Variants in PNLIPRP3 observed in about 807,000 individuals in gnomAD.
The protein encoded by PNLIPRP3 is pancreatic lipase-related protein 3.
A neutral mutation model predicts 52.8 loss-of-function variants in PNLIPRP3; 58 were observed. The ratio of observed to expected loss-of-function variants is 1.10; its 90% CI spans 0.89 to 1.37. The LOEUF (loss-of-function observed/expected upper bound fraction) is 1.37, where lower values mean the gene tolerates loss of function less well. Among genes scored for constraint, PNLIPRP3 ranks in the 40% most tolerant of loss-of-function variants. The pLI is 0.00. For synonymous variants in PNLIPRP3, 192 were observed against 185.0 expected (o/e 1.04, Z -0.31); for missense variants, 593 against 561.6 (o/e 1.06, Z -0.57).
intron 4 of PNLIPRP3, 50 bp from the exon 5 acceptor site, chr10:116,455,672 T>C (rs1473802596): frequency 9.2e-6 from 12 of 1,311,202 alleles, no homozygotes; most frequent in Non-Finnish European, 1.3e-5. Context: ...ATATTTAAGC[T>C]ATTCCACCGC....
intron 7 of PNLIPRP3, among the ~76,000 whole-genome samples, chr10:116,463,327 G>T (rs1250448998): frequency 6.6e-6 from 1 of 152,148 alleles, no homozygotes; most frequent in African/African-American, 2.4e-5. Context: ...CCAGTTGGGG[G>T]CTGAGCTGGG....
rs750939853 is a variant in PNLIPRP3 at position 116,461,329 on chromosome 10, T to A, written c.808+39T>A. The stretch of plus-strand genomic sequence containing the variant: ...AAACTATGAATGCTACTGATGCATA[T>A]TCACTTAGCTCTCTCCTTAGATGGG... On this transcript the variant is annotated intron_variant, in intron 7 of 11. Coordinates refer to ENST00000369230, the MANE Select transcript of PNLIPRP3 (RefSeq NM_001011709.3). 2.5e-6 allele frequency: 4 copies of A among 1,592,996 alleles called. No individual in the cohort carries two copies. The Admixed American group carries it at 6.7e-5, about 27-fold the overall frequency.
intron 4 of PNLIPRP3, among the ~76,000 whole-genome samples, chr10:116,451,084 A>G (rs898535998): frequency 3.9e-5 from 6 of 152,220 alleles, no homozygotes; most frequent in Non-Finnish European, 7.3e-5. Context: ...TGGCACTGGC[A>G]TAAAGACAGA....
chr10:116,458,493 A>G (rs745767213), intron 5 of PNLIPRP3, among the ~76,000 whole-genome samples: 7 of 150,086 alleles, frequency 4.7e-5, no homozygotes, highest in Non-Finnish European at 7.4e-5. Context: ...CCTCCAATCA[A>G]TAAGATCTGA....
intron 10 of PNLIPRP3, among the ~76,000 whole-genome samples, chr10:116,476,336 G>T (rs1015092331): frequency 2.0e-5 from 3 of 152,030 alleles, no homozygotes; most frequent in Non-Finnish European, 2.9e-5. Context: ...TGATTTCCTG[G>T]TGTCAGTATA....
At chr10:116,436,140 A>G (rs1359080472) in intron 1 of PNLIPRP3, among the ~76,000 whole-genome samples, 3 of 152,212 alleles carry the variant, frequency 2.0e-5, no homozygotes, top group Non-Finnish European at 4.4e-5. Context: ...TTGGATATCC[A>G]CATTCAAAAG....
chr10:116,466,026 G>A (rs1463608728), intron 7 of PNLIPRP3, 24 bp from the exon 8 acceptor site: 2 of 1,505,122 alleles, frequency 1.3e-6, no homozygotes, highest in Middle Eastern at 1.7e-4. Context: ...ATTGCTATCA[G>A]TTAATTGGGA....
At chr10:116,449,884 A>G (rs1398900162) in intron 4 of PNLIPRP3, among the ~76,000 whole-genome samples, 4 of 152,242 alleles carry the variant, frequency 2.6e-5, no homozygotes, top group African/African-American at 9.6e-5. Flanking sequence ...GAAGATTGCA[A>G]TCATACCAAG....
intron 5 of PNLIPRP3, among the ~76,000 whole-genome samples, chr10:116,457,339 T>C (rs1309024402): frequency 2.6e-5 from 4 of 151,630 alleles, no homozygotes; most frequent in African/African-American, 4.8e-5. Flanking sequence ...CTGTGCTCTG[T>C]GTGCATGTGT....
chr10:116,430,870 A>T (rs1317962704), intron 1 of PNLIPRP3, among the ~76,000 whole-genome samples: 1 of 152,084 alleles, frequency 6.6e-6, no homozygotes, highest in Non-Finnish European at 1.5e-5. Flanking sequence ...TCCAAATGTA[A>T]TCTCTCCAGC....
chr10:116,439,007 A>C (rs760656292), intron 2 of PNLIPRP3, among the ~76,000 whole-genome samples: 8 of 152,208 alleles, frequency 5.3e-5, no homozygotes, highest in Non-Finnish European at 1.0e-4. Context: ...CTATGGTTTC[A>C]TTTATAGGAG....
intron 2 of PNLIPRP3, among the ~76,000 whole-genome samples, chr10:116,441,456 G>A (rs1845856859): frequency 2.0e-5 from 3 of 152,148 alleles, no homozygotes; most frequent in Admixed American, 2.0e-4. Flanking sequence ...GACTATAGTA[G>A]GTGTTTGAGG....
intron 4 of PNLIPRP3, among the ~76,000 whole-genome samples, chr10:116,447,584 T>C (rs1169073910): frequency 6.6e-6 from 1 of 152,102 alleles, no homozygotes; most frequent in Non-Finnish European, 1.5e-5. Flanking sequence ...AGTGACAATT[T>C]CAACAAGAAG....
At chr10:116,456,706 G>T (rs933190461) in intron 5 of PNLIPRP3, among the ~76,000 whole-genome samples, 2 of 152,146 alleles carry the variant, frequency 1.3e-5, no homozygotes, top group African/African-American at 4.8e-5. Flanking sequence ...CAAACCAATT[G>T]TGTGAGATGG....
intron 10 of PNLIPRP3, among the ~76,000 whole-genome samples, chr10:116,475,035 T>G (rs1328679069): frequency 6.6e-6 from 1 of 152,202 alleles, no homozygotes; most frequent in Non-Finnish European, 1.5e-5. Context: ...AATCAACCCA[T>G]GTGCCCATCA....
chr10:116,447,483 A>G (rs1845970040), intron 4 of PNLIPRP3, among the ~76,000 whole-genome samples: 1 of 152,238 alleles, frequency 6.6e-6, no homozygotes, highest in African/African-American at 2.4e-5. Context: ...CCCTAATGAA[A>G]CAGAGATATA....
At chr10:116,465,283 C>T (rs7074178) in intron 7 of PNLIPRP3, among the ~76,000 whole-genome samples, 22,101 of 151,978 alleles carry the variant, frequency 0.15, 2,698 homozygotes, top group African/African-American at 0.32. Flanking sequence ...CTCACACCTG[C>T]AATCCCAGCA....
intron 4 of PNLIPRP3, among the ~76,000 whole-genome samples, chr10:116,452,461 G>A (rs1313074881): frequency 2.6e-5 from 4 of 152,192 alleles, no homozygotes; most frequent in African/African-American, 9.7e-5. Context: ...AAGGGAGCTG[G>A]GTGCTACTAT....
At chr10:116,437,630 G>A (rs1445210061) in intron 2 of PNLIPRP3, among the ~76,000 whole-genome samples, 2 of 152,142 alleles carry the variant, frequency 1.3e-5, no homozygotes, top group Admixed American at 1.3e-4. Flanking sequence ...CCCATTGAGA[G>A]CTTTTCAGAG....
Sources: gnomAD v4.1 joint callset for allele counts (sites outside exome capture counted in the v4.1 genomes callset) on GRCh38, gnomAD v4.1.1 for gene constraint, MANE v1.5 for transcripts, NCBI Gene and HGNC (gene_info 2026-07-23, HGNC 2026-07-21) for gene names.